The following CSTPP1 variants were observed in gnomAD, a reference collection of about 807,000 sequenced individuals.
CSTPP1 encodes UPF0705 protein C11orf49.
chr11:47,114,415 G>A, the CSTPP1 span, among the ~76,000 whole-genome samples: 1 of 152,288 alleles, frequency 6.6e-6, no homozygotes, highest in East Asian at 1.9e-4. Flanking sequence ...GGGGATGGCA[G>A]TGAATCTACA....
At chr11:47,087,818 C>T in the CSTPP1 span, among the ~76,000 whole-genome samples, 2 of 152,156 alleles carry the variant, frequency 1.3e-5, no homozygotes, top group Non-Finnish European at 2.9e-5. Context: ...TTATTTCACA[C>T]AGGTTCTAAA....
the CSTPP1 span, among the ~76,000 whole-genome samples, chr11:47,089,860 G>A: frequency 6.6e-6 from 1 of 152,194 alleles, no homozygotes; most frequent in South Asian, 2.1e-4. Context: ...AATGGTAACA[G>A]AAAAGGGAGT....
At chr11:46,999,335 T>C in the CSTPP1 span, among the ~76,000 whole-genome samples, 2 of 152,084 alleles carry the variant, frequency 1.3e-5, no homozygotes, top group African/African-American at 2.4e-5. Context: ...GTTATCTCTG[T>C]TTTATAGAGG....
At chr11:46,938,780 C>CTTT in the CSTPP1 span, among the ~76,000 whole-genome samples, 25 of 123,630 alleles carry the variant, frequency 2.0e-4, no homozygotes, top group African/African-American at 3.0e-4. Flanking sequence ...TTTTCTTCTT[C>CTTT]TTTTTTTTTT....
the CSTPP1 span, among the ~76,000 whole-genome samples, chr11:47,008,606 G>C: frequency 1.3e-5 from 2 of 152,184 alleles, no homozygotes; most frequent in East Asian, 1.9e-4. Flanking sequence ...CTCCTAAAGT[G>C]CTGGGATTAC....
At chr11:46,946,441 G>A in the CSTPP1 span, among the ~76,000 whole-genome samples, 1 of 152,186 alleles carries the variant, frequency 6.6e-6, no homozygotes, top group African/African-American at 2.4e-5. Flanking sequence ...GGTGGATCAC[G>A]AGGTCAGGAG....
the CSTPP1 span, among the ~76,000 whole-genome samples, chr11:47,077,411 G>A: frequency 1.3e-5 from 2 of 151,996 alleles, no homozygotes; most frequent in African/African-American, 4.8e-5. Flanking sequence ...TGTTGGTCGG[G>A]CTGGTCTCGA....
the CSTPP1 span, among the ~76,000 whole-genome samples, chr11:47,126,838 G>C: frequency 3.4e-5 from 5 of 148,312 alleles, no homozygotes; most frequent in South Asian, 2.1e-4. Context: ...GAGCTGAGGT[G>C]GGGGGGATTG....
the CSTPP1 span, among the ~76,000 whole-genome samples, chr11:46,959,024 C>G: frequency 6.6e-6 from 1 of 152,168 alleles, no homozygotes; most frequent in Non-Finnish European, 1.5e-5. Flanking sequence ...GTTTTACCAG[C>G]TATCTGGGCA....
the CSTPP1 span, among the ~76,000 whole-genome samples, chr11:47,088,369 G>A: frequency 1.3e-5 from 2 of 152,046 alleles, no homozygotes; most frequent in African/African-American, 2.4e-5. Context: ...CTATGAAACC[G>A]GTGTGGGTAG....
chr11:46,985,320 A>G, the CSTPP1 span, among the ~76,000 whole-genome samples: 1 of 152,210 alleles, frequency 6.6e-6, no homozygotes, highest in Non-Finnish European at 1.5e-5. Context: ...TCACTAGACT[A>G]CCAGGACTTC....
the CSTPP1 span, among the ~76,000 whole-genome samples, chr11:46,989,707 G>C: frequency 1.1e-4 from 16 of 152,110 alleles, no homozygotes; most frequent in Non-Finnish European, 2.9e-5. Flanking sequence ...TTAGATACAG[G>C]GAATACATGT....
At chr11:46,998,056 C>T in the CSTPP1 span, among the ~76,000 whole-genome samples, 3 of 152,142 alleles carry the variant, frequency 2.0e-5, no homozygotes, top group South Asian at 2.1e-4. Flanking sequence ...TCTCAAACTC[C>T]GTGCTGGGAG....
At chr11:47,104,516 T>A in the CSTPP1 span, among the ~76,000 whole-genome samples, 1 of 152,230 alleles carries the variant, frequency 6.6e-6, no homozygotes, top group Admixed American at 6.5e-5. Context: ...CTTCATTCCC[T>A]CTGTGCAAAC....
the CSTPP1 span, among the ~76,000 whole-genome samples, chr11:47,049,972 A>T: frequency 1.8e-3 from 274 of 152,296 alleles, no homozygotes; most frequent in Non-Finnish European, 2.8e-3. Context: ...CAGGTCAGAA[A>T]TTAATCAGAT....
the CSTPP1 span, among the ~76,000 whole-genome samples, chr11:47,038,913 G>T: frequency 8.2e-6 from 1 of 121,984 alleles, no homozygotes; most frequent in Non-Finnish European, 2.0e-5. Context: ...GGGGCGGCAG[G>T]GCAGAGGTGC....
At chr11:47,029,840 A>G in the CSTPP1 span, among the ~76,000 whole-genome samples, 3 of 151,238 alleles carry the variant, frequency 2.0e-5, no homozygotes, top group East Asian at 3.9e-4. Context: ...GCTCACACCT[A>G]TAATCCTAGC....
At chr11:47,122,091 A>AAAAATATATAT in the CSTPP1 span, among the ~76,000 whole-genome samples, 37 of 31,826 alleles carry the variant, frequency 1.2e-3, no homozygotes, top group Non-Finnish European at 1.5e-3. Context: ...AAAAAAAAAA[A>AAAAATATATAT]ATATATATAT....
At chr11:47,078,130 T>C in the CSTPP1 span, among the ~76,000 whole-genome samples, 1 of 152,346 alleles carries the variant, frequency 6.6e-6, no homozygotes, top group African/African-American at 2.4e-5. Context: ...AGTTAAAAGA[T>C]GTCTAACATT....
Sources: gnomAD v4.1 joint callset for allele counts (sites outside exome capture counted in the v4.1 genomes callset) on GRCh38, gnomAD v4.1.1 for gene constraint, MANE v1.5 for transcripts, NCBI Gene and HGNC (gene_info 2026-07-23, HGNC 2026-07-21) for gene names.